The following KL variants were observed in gnomAD, a reference collection of about 807,000 sequenced individuals.
The protein encoded by KL is alpha-klotho.
In KL, 62 loss-of-function variants were observed where a neutral mutation model predicts 84.2. That is an observed-to-expected ratio of 0.74 (90% CI 0.60 to 0.91). KL has a LOEUF of 0.91. KL is among the 40% of genes least tolerant of loss of function. The pLI is 0.00. For missense variants in KL, 1,261 were observed against 1,305.7 expected, an observed-to-expected ratio of 0.97 and a Z score of 0.53; for synonymous variants, 528 against 528.0, an observed-to-expected ratio of 1.00 and a Z score of 0.00.
intron 1 of KL, among the ~76,000 whole-genome samples, chr13:33,027,616 G>A (rs1294786705): frequency 6.6e-6 from 1 of 152,150 alleles, no homozygotes; most frequent in Non-Finnish European, 1.5e-5. Context: ...ATATCAGAAA[G>A]CATTCAATTC....
At position 33,061,604 on chromosome 13, in the gene KL, C is replaced by G. The variant is rs888374105; in HGVS notation, c.2525C>G (p.Pro842Arg). ...ACCGACATCACGTGGCTCAACTCCC[C>G]CAGTCAGGTGGCGGTAGTGCCCTGG... The part of the protein sequence containing the change: ...EMTDITWLNS[P>R]SQVAVVPWGL... The change falls in exon 4 of 5, where the codon CCC (proline) becomes CGC (arginine). Residue 842 changes from proline (P) to arginine (R), a missense_variant. Physicochemically the swap from Pro to Arg is moderately radical, Grantham distance 103 (BLOSUM62 -2). Transcript: ENST00000380099. 1 of 1,614,162 alleles carries G rather than the reference C, an allele frequency of 6.2e-7. No homozygotes were observed. Among genetic ancestry groups the G allele is most frequent in the African/African-American group, 1.3e-5 (1 of 75,034 alleles).
intron 1 of KL, among the ~76,000 whole-genome samples, chr13:33,021,714 C>G (rs1168057444): frequency 6.6e-6 from 1 of 152,072 alleles, no homozygotes; most frequent in African/African-American, 2.4e-5. Flanking sequence ...GAAACCCCGT[C>G]TCTACTAAAA....
In KL at chr13:33,064,180, C is replaced by A. The variant is rs1035746231; in HGVS notation, c.3033C>A (p.Tyr1011Ter). 4.4e-6 allele frequency: 7 copies of A among 1,594,532 alleles called. No individual in the cohort carries two copies. Among genetic ancestry groups the A allele is most frequent in the Admixed American group, 1.7e-5 (1 of 59,822 alleles). ...ACTCGAAGAAAGGCAGAAGAAGTTA[C>A]AAATAGTTCTGAACATTTTTCTATT... Reference protein sequence around the residue: ...FYYSKKGRRSYK With the variant: ...FYYSKKGRRS Residue 1011 changes from tyrosine to a stop codon, truncating the protein, a stop_gained, in exon 5 of 5, where the codon TAC becomes TAA. Coordinates refer to ENST00000380099, the MANE Select transcript of KL (RefSeq NM_004795.4). LOFTEE classifies it high-confidence loss of function.
chr13:33,055,448 T>G, intron 3 of KL, 133 bp downstream of exon 3: 1 of 1,087,012 alleles, frequency 9.2e-7, no homozygotes, highest in East Asian at 2.5e-5. Context: ...ATGAGTACAC[T>G]AAGGGCACAA....
At chr13:33,051,648 C>T (rs1193709628) in intron 1 of KL, among the ~76,000 whole-genome samples, 1 of 152,212 alleles carries the variant, frequency 6.6e-6, no homozygotes, top group Non-Finnish European at 1.5e-5. Flanking sequence ...ACCTCCTCCT[C>T]TGAGCCTTGT....
At chr13:33,019,958 A>T (rs574782670) in intron 1 of KL, among the ~76,000 whole-genome samples, 12 of 152,220 alleles carry the variant, frequency 7.9e-5, no homozygotes, top group Non-Finnish European at 1.6e-4. Flanking sequence ...TGAAATCAGC[A>T]CTAGGGACTG....
chr13:33,055,309 C>T lies in KL; in HGVS notation c.1593C>T (p.Tyr531=), dbSNP rs62637617. ...CDFAWGVVDN[Y]IQVDTTLSQF... is the part of the protein sequence containing the mutation. The stretch of plus-strand genomic sequence containing the variant: ...TTGCTTGGGGAGTTGTTGACAACTA[C>T]ATTCAAGTAAGTCAGCTGACAAAAC... Residue 531 remains tyrosine (Y), a synonymous_variant, in exon 3 of 5, where the codon TAC becomes TAT. Transcript: ENST00000380099. 8,746 of 1,614,124 alleles carry T rather than the reference C, an allele frequency of 5.4e-3. 371 individuals are homozygous for T. The African/African-American group carries it at 0.099, about 18-fold the overall frequency.
intron 1 of KL, among the ~76,000 whole-genome samples, chr13:33,049,978 A>G (rs1334364361): frequency 6.6e-6 from 1 of 152,186 alleles, no homozygotes; most frequent in African/African-American, 2.4e-5. Flanking sequence ...ACTAAACTCT[A>G]CTTGCTATTT....
chr13:33,024,296 A>C (rs1652034396), intron 1 of KL, among the ~76,000 whole-genome samples: 1 of 152,224 alleles, frequency 6.6e-6, no homozygotes, highest in South Asian at 2.1e-4. Flanking sequence ...GCAATGTTGA[A>C]TTCTGAGAAT....
Position 33,065,975 on chromosome 13 carries a change from G to A in KL, c.*1789G>A, listed in dbSNP as rs527467211. ...AATGTATCACAACTTAACCGTTCCC[G>A]TTTGTTAGACTAGTTTCTTATTAAT... On this transcript the variant is annotated 3_prime_UTR_variant, in exon 5 of 5. Transcript: ENST00000380099. 5.1e-5 allele frequency: 9 copies of A among 176,482 alleles called. No homozygotes were observed. The highest frequency in any genetic ancestry group is 2.5e-4 in the Admixed American group (4 of 15,828). 10.9% of individuals were successfully genotyped at this position (176,482 alleles called of 1,614,324 possible).
intron 1 of KL, among the ~76,000 whole-genome samples, chr13:33,045,775 G>T (rs1270812895): frequency 6.6e-6 from 1 of 152,232 alleles, no homozygotes; most frequent in Admixed American, 6.5e-5. Flanking sequence ...CACCACGCCC[G>T]GCCCATAAAT....
At chr13:33,034,533 G>A (rs1030381451) in intron 1 of KL, among the ~76,000 whole-genome samples, 2 of 151,294 alleles carry the variant, frequency 1.3e-5, no homozygotes, top group African/African-American at 4.8e-5. Context: ...ACTCTTGTGA[G>A]TGCCACCAAA....
At chr13:33,052,183 C>A (rs1871780431) in intron 1 of KL, among the ~76,000 whole-genome samples, 1 of 152,124 alleles carries the variant, frequency 6.6e-6, no homozygotes, top group African/African-American at 2.4e-5. Context: ...TTGTGAACTC[C>A]TGGTATCAAG....
At position 33,035,105 on chromosome 13, in the gene KL, G is replaced by A. The variant is rs551125764; in HGVS notation, c.819+17846G>A. ...GCAAATGCGAAAGAAGGGGGAAAGA[G>A]CAGGCCGATGACTTTCCGCTATCCA... is the stretch of plus-strand genomic sequence containing the variant. On this transcript the variant is annotated intron_variant, in intron 1 of 4. Transcript: ENST00000380099. Among the ~76,000 whole-genome samples, 135 of 152,334 alleles carry A rather than the reference G, an allele frequency of 8.9e-4. 1 individual carries two copies. The Middle Eastern group carries it at 0.014, about 15-fold the overall frequency.
chr13:33,059,238 A>G (rs1229069955), intron 3 of KL, among the ~76,000 whole-genome samples: 1 of 152,200 alleles, frequency 6.6e-6, no homozygotes, highest in Non-Finnish European at 1.5e-5. Flanking sequence ...CAGCAGACAC[A>G]TGAAGGAATG....
intron 1 of KL, among the ~76,000 whole-genome samples, chr13:33,037,496 T>C (rs987001026): frequency 5.9e-5 from 9 of 152,150 alleles, no homozygotes; most frequent in African/African-American, 1.4e-4. Flanking sequence ...CAATGTGATG[T>C]AGACTGATTG....
In KL at chr13:33,063,916, G is replaced by A. The variant is rs772388402; in HGVS notation, c.2769G>A (p.Pro923=). ...FAYSFNDRTA[P]RFGLYRYAAD... ...ATTCGTTTAACGACCGCACAGCTCC[G>A]AGGTTTGGCCTCTATCGTTATGCTG... Residue 923 remains proline (P), a synonymous_variant, in exon 5 of 5, where the codon CCG becomes CCA. Transcript: ENST00000380099. The A allele has an allele frequency of 4.3e-6, 7 of 1,614,032 alleles. No individual in the cohort carries two copies. Among genetic ancestry groups the A allele is most frequent in the South Asian group, 2.2e-5 (2 of 91,082 alleles).
At chr13:33,029,933 C>G (rs1870914731) in intron 1 of KL, among the ~76,000 whole-genome samples, 1 of 119,866 alleles carries the variant, frequency 8.3e-6, no homozygotes, top group African/African-American at 2.8e-5. Context: ...GCGCCTGGCC[C>G]TATTTTTTTT....
chr13:33,047,268 CTT>C (rs1871570573), intron 1 of KL, among the ~76,000 whole-genome samples: 1 of 151,800 alleles, frequency 6.6e-6, no homozygotes, highest in African/African-American at 2.4e-5. Flanking sequence ...TCTTTCCATT[CTT>C]TTTCTTTTAC....
Sources: gnomAD v4.1 joint callset for allele counts (sites outside exome capture counted in the v4.1 genomes callset) on GRCh38, gnomAD v4.1.1 for gene constraint, MANE v1.5 for transcripts, NCBI Gene and HGNC (gene_info 2026-07-23, HGNC 2026-07-21) for gene names.